Variants in PSMA7 observed in about 807,000 individuals in gnomAD.
PSMA7 encodes the protein proteasome 20S subunit alpha 7.
In PSMA7, 5 loss-of-function variants were observed where a neutral mutation model predicts 31.3. That is an observed-to-expected ratio of 0.16 (90% confidence interval 0.08 to 0.34). The LOEUF (loss-of-function observed/expected upper bound fraction) is 0.34, where lower values mean the gene tolerates loss of function less well. Ranked by LOEUF, PSMA7 falls within the 10% of genes least tolerant of loss-of-function variation. The pLI is 1.00. For missense variants in PSMA7, 217 were observed against 327.5 expected (o/e 0.66, Z 2.60); for synonymous variants, 155 against 121.9 (o/e 1.27, Z -1.79).
chr20:62,138,033 G>C (rs2056905463), intron 5 of PSMA7, 138 bp downstream of exon 5: 1 of 1,166,604 alleles, frequency 8.6e-7, no homozygotes, highest in Admixed American at 1.9e-5. Flanking sequence ...CCATAGACCA[G>C]AGCAGTGCCT....
intron 1 of PSMA7, among the ~76,000 whole-genome samples, chr20:62,141,900 G>T (rs1336214751): frequency 6.6e-6 from 1 of 152,228 alleles, no homozygotes; most frequent in Non-Finnish European, 1.5e-5. Context: ...ACCATCATTG[G>T]GATAAACAGC....
chr20:62,141,059 C>G, intron 1 of PSMA7, 115 bp from the exon 2 acceptor site: 1 of 1,293,110 alleles, frequency 7.7e-7, no homozygotes, highest in Non-Finnish European at 1.1e-6. Context: ...GACTTAAATT[C>G]AAGAGTTCAA....
chr20:62,140,673 A>C, intron 2 of PSMA7, 145 bp downstream of exon 2: 3 of 1,114,732 alleles, frequency 2.7e-6, no homozygotes, highest in Non-Finnish European at 3.7e-6. Context: ...AGCCAACTTA[A>C]AAGTCCAAAT....
intron 1 of PSMA7, among the ~76,000 whole-genome samples, chr20:62,142,134 G>A (rs1324580721): frequency 2.0e-5 from 3 of 152,214 alleles, no homozygotes; most frequent in East Asian, 3.9e-4. Context: ...TGGCTGAGAA[G>A]TATTGATCTG....
chr20:62,137,432 A>C lies in PSMA7; in HGVS notation c.592-6T>G. On this transcript the variant is annotated splice_region_variant and splice_polypyrimidine_tract_variant and intron_variant, in intron 5 of 6. Coordinates refer to ENST00000370873, the MANE Select transcript of PSMA7 (RefSeq NM_002792.4). ...TTGCCACCTGACTGAACCACCTTGA[A>C]GGGACAGAAGACAGGAGCATTAACC... is the stretch of plus-strand genomic sequence containing the variant. 2 of 1,614,042 alleles carry C rather than the reference A, an allele frequency of 1.2e-6. No homozygotes were observed. The highest frequency in any genetic ancestry group is 1.7e-6 in the Non-Finnish European group (2 of 1,179,930).
intron 4 of PSMA7, among the ~76,000 whole-genome samples, chr20:62,138,550 A>AT (rs59188263): frequency 0.021 from 2,660 of 126,290 alleles, 53 homozygotes; most frequent in African/African-American, 0.047. Context: ...GCAATGGGAG[A>AT]TTTTTTTTTT....
chr20:62,137,358 G>T lies in PSMA7; in HGVS notation c.654+6C>A. Reference sequence around the variant, plus strand: ...GGTAAAGAAAGCAGACAAACTTGGTGATTACCTTGAGGGATTGATCTCGCC... The same window carrying T: ...GGTAAAGAAAGCAGACAAACTTGGTTATTACCTTGAGGGATTGATCTCGCC... On this transcript the variant is annotated splice_donor_region_variant and intron_variant, in intron 6 of 6. Coordinates refer to ENST00000370873, the MANE Select transcript of PSMA7 (RefSeq NM_002792.4). 6.2e-7 allele frequency: 1 copy of T among 1,613,992 alleles called. No individual in the cohort carries two copies. Among genetic ancestry groups the T allele is most frequent in the Non-Finnish European group, 8.5e-7 (1 of 1,179,870 alleles).
chr20:62,138,060 T>C lies in PSMA7; in HGVS notation c.591+111A>G, dbSNP rs1341648021. The C allele has an allele frequency of 2.5e-5, 35 of 1,403,256 alleles. No homozygotes were observed. In the South Asian group the frequency reaches 3.8e-4, roughly 15 times the overall value. 86.9% of individuals were successfully genotyped at this position (1,403,256 alleles called of 1,614,324 possible). ...GCAGTGCCTGGAACACAGCAGTCATTAAGCATTACTGCTGGATCCTTGCCA... is the reference window on the plus strand; with the variant it reads ...GCAGTGCCTGGAACACAGCAGTCATCAAGCATTACTGCTGGATCCTTGCCA... On this transcript the variant is annotated intron_variant, in intron 5 of 6. Coordinates refer to ENST00000370873, the MANE Select transcript of PSMA7 (RefSeq NM_002792.4).
At chr20:62,141,075 G>A in intron 1 of PSMA7, 131 bp from the exon 2 acceptor site, 1 of 1,162,070 alleles carries the variant, frequency 8.6e-7, no homozygotes, top group Non-Finnish European at 1.2e-6. Context: ...TTCAAGACCA[G>A]CCGGACAACA....
chr20:62,137,827 T>C (rs1007819848), intron 5 of PSMA7, among the ~76,000 whole-genome samples: 1 of 152,178 alleles, frequency 6.6e-6, no homozygotes, highest in African/African-American at 2.4e-5. Context: ...CCCCTGACTT[T>C]AGCAACAGTT....
At chr20:62,143,094 C>CCCCGCGCACG (rs1456553225) in intron 1 of PSMA7, 114 bp downstream of exon 1, 1 of 529,080 alleles carries the variant, frequency 1.9e-6, no homozygotes, top group Admixed American at 6.2e-5. Flanking sequence ...CGCGCCGCTG[C>CCCCGCGCACG]CCCGCGCACG....
chr20:62,141,834 T>C (rs917125021), intron 1 of PSMA7, among the ~76,000 whole-genome samples: 9 of 152,238 alleles, frequency 5.9e-5, no homozygotes, highest in African/African-American at 1.9e-4. Context: ...ATGGCTGTTA[T>C]TAAAAGCATG....
chr20:62,137,560 C>G lies in PSMA7; in HGVS notation c.592-134G>C, dbSNP rs893405893. 4.8e-6 allele frequency: 4 copies of G among 831,504 alleles called. No homozygotes were observed. In the African/African-American group the frequency reaches 6.9e-5, roughly 14 times the overall value. The allele number at this position is 831,504 out of a possible 1,614,324, so 51.5% of individuals were successfully genotyped here. A position where few individuals can be genotyped will look rare whatever the true frequency, so the allele number is the denominator to read the frequency against. ...GGAACAGAGGTCCCAGCCCCCAAAA[C>G]CTGTGTCTTTGTCCTAAACTCATGG... On this transcript the variant is annotated intron_variant, in intron 5 of 6. Coordinates refer to ENST00000370873, the MANE Select transcript of PSMA7 (RefSeq NM_002792.4).
chr20:62,138,980 C>T (rs767472004), intron 4 of PSMA7, 95 bp downstream of exon 4: 14 of 1,470,836 alleles, frequency 9.5e-6, no homozygotes, highest in Non-Finnish European at 1.3e-5. Flanking sequence ...GACTCATTCA[C>T]TGATACAGGG....
At chr20:62,142,592 G>A (rs998654249) in intron 1 of PSMA7, 8 of 152,260 alleles carry the variant, frequency 5.3e-5, no homozygotes, top group African/African-American at 1.9e-4. Context: ...TCCTGACCCG[G>A]GCGGCTGCAG....
At chr20:62,140,726 T>G in intron 2 of PSMA7, 92 bp downstream of exon 2, 1 of 1,471,232 alleles carries the variant, frequency 6.8e-7, no homozygotes, top group East Asian at 2.3e-5. Context: ...TTTATATGGC[T>G]CACAATAGCC....
In PSMA7 at chr20:62,143,272, G is replaced by A; in HGVS notation, c.32C>T (p.Ser11Leu). MSYDRAITVF[S>L]PDGHLFQVEY... ...CACTTGGAAGAGGTGGCCGTCGGGC[G>A]AGAAGACGGTGATGGCGCGGTCGTA... The change falls in exon 1 of 7, where the codon TCG (serine) becomes TTG (leucine). Residue 11 changes from serine to leucine, a missense_variant. Physicochemically the swap from Ser to Leu is moderately radical, Grantham distance 145. Around this residue, in one of 3 missense-constraint regions of PSMA7, gnomAD observed 76 missense variants for 96.5 expected, o/e 0.79. Coordinates refer to ENST00000370873, the MANE Select transcript of PSMA7 (RefSeq NM_002792.4). 1 of 1,478,766 alleles carries A rather than the reference G, an allele frequency of 6.8e-7. No homozygotes were observed. The highest frequency in any genetic ancestry group is 1.5e-5 in the African/African-American group (1 of 67,622). The allele number at this position is 1,478,766 out of a possible 1,614,324, so 91.6% of individuals were successfully genotyped here.
chr20:62,138,623 C>T (rs746859970), intron 4 of PSMA7, among the ~76,000 whole-genome samples: 1 of 145,076 alleles, frequency 6.9e-6, no homozygotes, highest in African/African-American at 2.6e-5. Flanking sequence ...GGTGTGATCT[C>T]GGCTCACTGC....
chr20:62,141,098 GTC>G (rs2056924952), intron 1 of PSMA7, among the ~76,000 whole-genome samples, 154 bp from the exon 2 acceptor site: 1 of 152,162 alleles, frequency 6.6e-6, no homozygotes, highest in African/African-American at 2.4e-5. Flanking sequence ...GGAAAACCCT[GTC>G]TCTACAAAAA....
Sources: gnomAD v4.1 joint callset for allele counts (sites outside exome capture counted in the v4.1 genomes callset) on GRCh38, gnomAD v4.1.1 for gene constraint, gnomAD v4.1.1 regional missense constraint, MANE v1.5 for transcripts, NCBI Gene and HGNC (gene_info 2026-07-23, HGNC 2026-07-21) for gene names.